The following PAPPA2 variants were observed in gnomAD, a reference collection of about 807,000 sequenced individuals.
PAPPA2 encodes pappalysin-2.
Under a neutral mutation model 176.4 loss-of-function variants are expected in PAPPA2, and 86 were observed. The ratio of observed to expected loss-of-function variants is 0.49; its 90% CI spans 0.41 to 0.58. The LOEUF is 0.58. Ranked by LOEUF, PAPPA2 falls within the 20% of genes least tolerant of loss-of-function variation. The probability of loss-of-function intolerance (pLI) is 0.00; values close to 1 mark genes in which losing one functional copy is unlikely to be tolerated. For missense variants in PAPPA2, 2,073 were observed against 2,256.9 expected (o/e 0.92, Z 1.65); for synonymous variants, 809 against 852.2 (o/e 0.95, Z 0.88).
intron 3 of PAPPA2, among the ~76,000 whole-genome samples, 177 bp downstream of exon 3, chr1:176,595,772 C>T (rs1050586613): frequency 1.3e-5 from 2 of 152,180 alleles, no homozygotes; most frequent in East Asian, 3.9e-4. Flanking sequence ...TAATTAGGGG[C>T]ACAGATGACT....
In PAPPA2 at chr1:176,616,775, G is replaced by T. The variant is rs185105642; in HGVS notation, c.1991+21180G>T. The T allele has an allele frequency of 2.3e-3, 2,329 of 1,023,504 alleles. 7 individuals are homozygous for T. Among genetic ancestry groups the T allele is most frequent in the Non-Finnish European group, 3.0e-3 (2,004 of 663,348 alleles). 63.4% of individuals were successfully genotyped at this position (1,023,504 alleles called of 1,614,324 possible). The stretch of plus-strand genomic sequence containing the variant: ...ATGTGACTTTCACAGGAGCTGGGTG[G>T]TTCATTCGAGGTGTATTAATTTAGT... On this transcript the variant is annotated intron_variant, in intron 3 of 22. Transcript: ENST00000367662.
intron 5 of PAPPA2, chr1:176,691,197 A>T: frequency 1.0e-6 from 1 of 972,648 alleles, no homozygotes; most frequent in South Asian, 4.7e-5. Context: ...GACTTATTTG[A>T]TGACCTAGTA....
In PAPPA2 at chr1:176,498,751, C is replaced by CACAAAAAAA. The variant is rs762510082; in HGVS notation, c.-917+35334_-917+35335insCAAAAAAAA. ...GGCGACAGAGCGAGACTCTTACCTC[C>CACAAAAAAA]AAAAAAAAAAAAAAAGAAGAAGAAA... On this transcript the variant is annotated intron_variant, in intron 1 of 22. Coordinates refer to ENST00000367662, the MANE Select transcript of PAPPA2 (RefSeq NM_020318.3). Among the ~76,000 whole-genome samples, 218 of 112,002 alleles carry CACAAAAAAA rather than the reference C, an allele frequency of 1.9e-3. 2 individuals carry two copies. The highest frequency in any genetic ancestry group is 5.7e-3 in the South Asian group (19 of 3,340). 73.5% of individuals were successfully genotyped at this position (112,002 alleles called of 152,430 possible). A position where few individuals can be genotyped will look rare whatever the true frequency, so the allele number is the denominator to read the frequency against.
intron 1 of PAPPA2, among the ~76,000 whole-genome samples, chr1:176,499,443 C>T (rs1647826787): frequency 6.6e-6 from 1 of 152,188 alleles, no homozygotes; most frequent in Admixed American, 6.5e-5. Flanking sequence ...GGTGGTTTAT[C>T]ACACACATTT....
chr1:176,672,972 T>G (rs1659095238), intron 4 of PAPPA2, among the ~76,000 whole-genome samples: 1 of 152,162 alleles, frequency 6.6e-6, no homozygotes, highest in Non-Finnish European at 1.5e-5. Context: ...AAGGACCTGA[T>G]ATTTTCAGGG....
intron 12 of PAPPA2, among the ~76,000 whole-genome samples, chr1:176,723,805 T>C (rs1026484711): frequency 6.6e-6 from 1 of 152,174 alleles, no homozygotes; most frequent in African/African-American, 2.4e-5. Context: ...TTAAATATAA[T>C]AAAATGTAGA....
At chr1:176,488,067 C>T (rs1261116479) in intron 1 of PAPPA2, among the ~76,000 whole-genome samples, 1 of 152,122 alleles carries the variant, frequency 6.6e-6, no homozygotes, top group East Asian at 1.9e-4. Flanking sequence ...TGTTATTATT[C>T]TATTTTATCT....
At chr1:176,805,619 A>T (rs1199576027) in intron 21 of PAPPA2, among the ~76,000 whole-genome samples, 2 of 152,194 alleles carry the variant, frequency 1.3e-5, no homozygotes, top group Non-Finnish European at 2.9e-5. Flanking sequence ...AATATAACGT[A>T]CTAGCAGTGA....
chr1:176,840,807 AG>A (rs1667460955), intron 22 of PAPPA2, among the ~76,000 whole-genome samples: 1 of 152,206 alleles, frequency 6.6e-6, no homozygotes, highest in African/African-American at 2.4e-5. Context: ...GATAGGCTCA[AG>A]CTAAGCCTTA....
intron 14 of PAPPA2, among the ~76,000 whole-genome samples, chr1:176,753,112 C>T (rs954400156): frequency 6.6e-6 from 1 of 152,152 alleles, no homozygotes; most frequent in African/African-American, 2.4e-5. Flanking sequence ...AAGTGGCTGT[C>T]TCATTTAGGA....
Position 176,838,915 on chromosome 1 carries a change from C to G in PAPPA2, c.5203-1258C>G, listed in dbSNP as rs998444380. On this transcript the variant is annotated intron_variant, in intron 21 of 22. Transcript: ENST00000367662. Reference sequence around the variant, plus strand: ...GACATCAGGATCCCATAGAATAAATCAAAACATGGAAGTAATAACTTGGAT... The same window carrying G: ...GACATCAGGATCCCATAGAATAAATGAAAACATGGAAGTAATAACTTGGAT... 4.6e-5 allele frequency among the ~76,000 whole-genome samples: 7 copies of G among 152,192 alleles called. No individual in the cohort carries two copies. In the East Asian group the frequency reaches 1.3e-3, roughly 29 times the overall value.
Position 176,594,612 on chromosome 1 carries a change from T to G in PAPPA2, c.1008T>G (p.Ala336=). The change falls in exon 3 of 23, where the codon GCT becomes GCG. Residue 336 remains alanine, a synonymous_variant. Transcript: ENST00000367662. ...RSGKDKGKRD[A]RFFFSLCTDR... is the part of the protein sequence containing the mutation. ...GGAAGGACAAGGGAAAGCGGGATGC[T>G]CGCTTCTTCTTCTCCCTCTGCACCG... 1 of 1,614,200 alleles carries G rather than the reference T, an allele frequency of 6.2e-7. No homozygotes were observed. The highest frequency in any genetic ancestry group is 8.5e-7 in the Non-Finnish European group (1 of 1,180,034).
chr1:176,674,520 C>T (rs1303867504), intron 4 of PAPPA2, among the ~76,000 whole-genome samples: 1 of 152,046 alleles, frequency 6.6e-6, no homozygotes, highest in Non-Finnish European at 1.5e-5. Flanking sequence ...TGTTTGGTTT[C>T]CCATTCCTGA....
chr1:176,733,816 G>C (rs1296589355), intron 12 of PAPPA2, among the ~76,000 whole-genome samples: 1 of 152,062 alleles, frequency 6.6e-6, no homozygotes, highest in East Asian at 1.9e-4. Flanking sequence ...AAGATCTGTG[G>C]AGGAGTGAAA....
chr1:176,781,365 C>CA (rs1664709536), intron 17 of PAPPA2, among the ~76,000 whole-genome samples: 1 of 46,228 alleles, frequency 2.2e-5, no homozygotes, highest in Non-Finnish European at 3.7e-5. Flanking sequence ...TTGTAAGGGG[C>CA]TTTTTTTTTT....
intron 19 of PAPPA2, among the ~76,000 whole-genome samples, chr1:176,792,634 C>T (rs769330385): frequency 1.7e-4 from 26 of 152,078 alleles, no homozygotes; most frequent in Admixed American, 9.2e-4. Flanking sequence ...GTGGGTGCAG[C>T]GCACCAGCAT....
chr1:176,468,470 C>T (rs556297454), intron 1 of PAPPA2, among the ~76,000 whole-genome samples: 1 of 152,250 alleles, frequency 6.6e-6, no homozygotes, highest in South Asian at 2.1e-4. Context: ...GGTATATGGT[C>T]CCATCTCTTC....
intron 1 of PAPPA2, among the ~76,000 whole-genome samples, chr1:176,546,606 G>A (rs1650649499): frequency 6.6e-6 from 1 of 152,176 alleles, no homozygotes; most frequent in Admixed American, 6.5e-5. Flanking sequence ...TGGGAAAATT[G>A]GACTCAGTAG....
chr1:176,540,797 C>T (rs1044414074), intron 1 of PAPPA2, among the ~76,000 whole-genome samples: 3 of 152,196 alleles, frequency 2.0e-5, no homozygotes, highest in East Asian at 1.9e-4. Context: ...CAACACCCCC[C>T]AGCAGAGTGC....
Sources: allele counts gnomAD v4.1 joint callset (sites outside exome capture counted in the v4.1 genomes callset), GRCh38; gene constraint gnomAD v4.1.1; transcripts MANE v1.5; gene names NCBI Gene and HGNC (gene_info 2026-07-23, HGNC 2026-07-21).